The following SYT1 variants were observed in gnomAD, a reference collection of about 807,000 sequenced individuals.
SYT1 encodes the protein synaptotagmin 1.
In SYT1, 8 loss-of-function variants were observed where a neutral mutation model predicts 44.8. That is an observed-to-expected ratio of 0.18 (90% confidence interval 0.10 to 0.32). The LOEUF (loss-of-function observed/expected upper bound fraction) is 0.32. Among genes scored for constraint, SYT1 ranks in the 10% least tolerant of loss-of-function variants. The pLI, the probability that SYT1 is intolerant of heterozygous loss-of-function variation, is 1.00. For synonymous variants in SYT1, 154 were observed against 188.8 expected (o/e 0.82, Z 1.51); for missense variants, 286 against 509.3 (o/e 0.56, Z 4.22).
chr12:79,144,725 G>A (rs889815169), intron 3 of SYT1, among the ~76,000 whole-genome samples: 33 of 152,192 alleles, frequency 2.2e-4, no homozygotes, highest in African/African-American at 5.5e-4. Flanking sequence ...AGAAATTGGC[G>A]TGGGATAAGC....
intron 2 of SYT1, among the ~76,000 whole-genome samples, chr12:79,002,655 C>T (rs891628530): frequency 5.9e-5 from 9 of 151,906 alleles, no homozygotes. Flanking sequence ...CATTTATATT[C>T]CAAGTCTCCT....
chr12:79,211,927 T>C (rs1338448521), intron 3 of SYT1, among the ~76,000 whole-genome samples: 1 of 152,198 alleles, frequency 6.6e-6, no homozygotes, highest in Non-Finnish European at 1.5e-5. Context: ...ACTATCTATA[T>C]TTAGCCAGAT....
At chr12:78,978,835 G>A (rs1290687540) in intron 2 of SYT1, among the ~76,000 whole-genome samples, 1 of 152,106 alleles carries the variant, frequency 6.6e-6, no homozygotes, top group African/African-American at 2.4e-5. Flanking sequence ...TTTTCCCTGA[G>A]GAAGTTTGCT....
intron 3 of SYT1, among the ~76,000 whole-genome samples, chr12:79,111,539 C>T (rs866287039): frequency 3.3e-5 from 5 of 151,764 alleles, no homozygotes; most frequent in Non-Finnish European, 5.9e-5. Flanking sequence ...TATCACGATG[C>T]CTCCCACAGA....
chr12:79,406,773 A>G (rs1039453150), intron 9 of SYT1, among the ~76,000 whole-genome samples: 4 of 152,144 alleles, frequency 2.6e-5, no homozygotes, highest in African/African-American at 9.7e-5. Flanking sequence ...TATTGATCAC[A>G]ATAGCACCTA....
intron 8 of SYT1, among the ~76,000 whole-genome samples, chr12:79,309,387 CTTTT>C (rs771984309): frequency 7.0e-6 from 1 of 142,746 alleles, no homozygotes; most frequent in African/African-American, 2.6e-5. Context: ...CTTTATGTTT[CTTTT>C]TTTTTTTTTA....
chr12:79,389,995 C>T (rs1044425641), intron 9 of SYT1, among the ~76,000 whole-genome samples: 2 of 151,522 alleles, frequency 1.3e-5, no homozygotes, highest in Middle Eastern at 3.2e-3. Context: ...TGCAGCGGCG[C>T]GATCTTGGCT....
At chr12:79,144,207 A>C (rs1869735506) in intron 3 of SYT1, among the ~76,000 whole-genome samples, 1 of 152,206 alleles carries the variant, frequency 6.6e-6, no homozygotes, top group East Asian at 1.9e-4. Context: ...ATATACTGGC[A>C]GGCACCAGAC....
intron 3 of SYT1, among the ~76,000 whole-genome samples, chr12:79,181,760 G>A (rs1320098833): frequency 6.6e-6 from 1 of 151,918 alleles, no homozygotes; most frequent in Non-Finnish European, 1.5e-5. Flanking sequence ...TTCCCACAAT[G>A]CCCCTAATCC....
At chr12:78,949,670 G>A (rs185296338) in intron 1 of SYT1, among the ~76,000 whole-genome samples, 1 of 152,044 alleles carries the variant, frequency 6.6e-6, no homozygotes, top group African/African-American at 2.4e-5. Flanking sequence ...AGAATTCAAA[G>A]GAGGCAAGTA....
chr12:79,089,200 C>T (rs951746015), intron 3 of SYT1, among the ~76,000 whole-genome samples: 1 of 151,898 alleles, frequency 6.6e-6, no homozygotes, highest in African/African-American at 2.4e-5. Context: ...TCAGAAAGAT[C>T]ACACAGTATA....
At chr12:79,400,350 C>T (rs1270734557) in intron 9 of SYT1, among the ~76,000 whole-genome samples, 1 of 152,138 alleles carries the variant, frequency 6.6e-6, no homozygotes, top group Non-Finnish European at 1.5e-5. Flanking sequence ...GAATCAAGCA[C>T]CATACCCAGT....
chr12:79,339,474 A>G (rs2139041473), intron 8 of SYT1, among the ~76,000 whole-genome samples: 1 of 152,296 alleles, frequency 6.6e-6, no homozygotes. Context: ...TCTTCTTTTG[A>G]AAAGTATCTG....
intron 3 of SYT1, among the ~76,000 whole-genome samples, chr12:79,117,699 AT>A (rs1206745852): frequency 5.9e-5 from 7 of 119,096 alleles, no homozygotes; most frequent in African/African-American, 1.6e-4. Context: ...ATATATATAT[AT>A]ATATATATAT....
At chr12:78,905,959 G>C (rs192562290) in intron 1 of SYT1, among the ~76,000 whole-genome samples, 1 of 151,832 alleles carries the variant, frequency 6.6e-6, no homozygotes, top group African/African-American at 2.4e-5. Flanking sequence ...TCCCTTCACC[G>C]AAGTAACATC....
intron 4 of SYT1, among the ~76,000 whole-genome samples, chr12:79,282,597 T>TA (rs926493314): frequency 6.6e-6 from 1 of 152,114 alleles, no homozygotes; most frequent in Non-Finnish European, 1.5e-5. Context: ...ATTTTGTATT[T>TA]AAAAAATCAC....
At chr12:79,319,919 T>C (rs1249467951) in intron 8 of SYT1, among the ~76,000 whole-genome samples, 1 of 152,226 alleles carries the variant, frequency 6.6e-6, no homozygotes, top group Non-Finnish European at 1.5e-5. Context: ...TCCATCCCTG[T>C]AATTATACCT....
chr12:79,321,244 A>G (rs1308808398), intron 8 of SYT1, among the ~76,000 whole-genome samples: 1 of 152,176 alleles, frequency 6.6e-6, no homozygotes, highest in Non-Finnish European at 1.5e-5. Flanking sequence ...ATTTAAATCA[A>G]AAGTTTGCCT....
chr12:79,213,837 G>A (rs1592858962), intron 3 of SYT1, among the ~76,000 whole-genome samples: 1 of 152,166 alleles, frequency 6.6e-6, no homozygotes, highest in Admixed American at 6.5e-5. Flanking sequence ...AGGCAGAATT[G>A]CTTGAAGCCA....
Sources: allele counts gnomAD v4.1 joint callset (sites outside exome capture counted in the v4.1 genomes callset), GRCh38; gene constraint gnomAD v4.1.1; transcripts MANE v1.5; gene names NCBI Gene and HGNC (gene_info 2026-07-23, HGNC 2026-07-21).